SCN9A: variants seen among roughly 807,000 people sequenced by gnomAD.
The protein encoded by SCN9A is sodium voltage-gated channel alpha subunit 9, also known as sodium channel protein type 9 subunit alpha.
A neutral mutation model predicts 187.0 loss-of-function variants in SCN9A; 131 were observed. The ratio of observed to expected loss-of-function variants is 0.70; its 90% confidence interval spans 0.61 to 0.81. The LOEUF (loss-of-function observed/expected upper bound fraction) is 0.81, where lower values mean the gene tolerates loss of function less well. Ranked by LOEUF, SCN9A falls within the 30% of genes least tolerant of loss-of-function variation. SCN9A has a pLI of 0.00. For missense variants in SCN9A, 2,252 were observed against 2,396.6 expected (o/e 0.94, Z 1.26); for synonymous variants, 809 against 808.6 (o/e 1.00, Z -0.01).
At chr2:166,207,370 T>A (rs1254559371) in intron 24 of SCN9A, among the ~76,000 whole-genome samples, 1 of 152,076 alleles carries the variant, frequency 6.6e-6, no homozygotes, top group African/African-American at 2.4e-5. Context: ...TATATTGAAT[T>A]TTCTTATTCA....
At chr2:166,317,795 T>G (rs1424319883) in intron 1 of SCN9A, among the ~76,000 whole-genome samples, 4 of 152,134 alleles carry the variant, frequency 2.6e-5, no homozygotes, top group African/African-American at 7.2e-5. Flanking sequence ...AAATTTCCAT[T>G]GCAGTAAAAA....
chr2:166,219,101 G>A, intron 24 of SCN9A, among the ~76,000 whole-genome samples: 1 of 152,098 alleles, frequency 6.6e-6, no homozygotes, highest in African/African-American at 2.4e-5. Flanking sequence ...AAAAAAGAAT[G>A]CCTACACACT....
rs1574883280 is a variant in SCN9A, at chr2:166,293,331, T to C, written c.1007A>G (p.Asn336Ser). The change falls in exon 9 of 27, where the codon AAC becomes AGC. Residue 336 changes from asparagine to serine, a missense_variant. This residue lies in a region of SCN9A where 1,013 missense variants were observed against 997.4 expected (regional missense o/e 1.02). Transcript: ENST00000642356. ...EGYTCVKIGR[N>S]PDYGYTSFDT... ...AAAGCTCGTGTAGCCATAATCAGGG[T>C]TTCTGCCAATTTTCACACAGGTGTA... The C allele has an allele frequency of 1.2e-6, 2 of 1,608,896 alleles. No individual in the cohort carries two copies. Among genetic ancestry groups the C allele is most frequent in the Non-Finnish European group, 1.7e-6 (2 of 1,177,614 alleles).
intron 16 of SCN9A, among the ~76,000 whole-genome samples, chr2:166,273,961 G>C (rs1395181157): frequency 6.6e-6 from 1 of 152,170 alleles, no homozygotes; most frequent in Non-Finnish European, 1.5e-5. Context: ...GAGGTCGGAG[G>C]TCTGGGAATC....
chr2:166,368,324 T>C (rs377328308), intron 1 of SCN9A, among the ~76,000 whole-genome samples: 18 of 152,282 alleles, frequency 1.2e-4, no homozygotes, highest in South Asian at 8.3e-4. Flanking sequence ...TTTCCGTATG[T>C]ATTTTTCCTT....
At chr2:166,248,927 C>T (rs1695913577) in intron 18 of SCN9A, among the ~76,000 whole-genome samples, 1 of 152,032 alleles carries the variant, frequency 6.6e-6, no homozygotes, top group African/African-American at 2.4e-5. Flanking sequence ...CCTCGGCCTC[C>T]CAAAGTACTG....
At chr2:166,318,186 A>AT (rs1399172616) in intron 1 of SCN9A, among the ~76,000 whole-genome samples, 1 of 152,100 alleles carries the variant, frequency 6.6e-6, no homozygotes, top group African/African-American at 2.4e-5. Flanking sequence ...TTTTAGCTAG[A>AT]ACCAGGGTGG....
intron 1 of SCN9A, among the ~76,000 whole-genome samples, chr2:166,343,772 G>T (rs1055615411): frequency 1.3e-5 from 2 of 151,584 alleles, no homozygotes; most frequent in Non-Finnish European, 2.9e-5. Flanking sequence ...ACTCAGCCTG[G>T]GAGACAGAGT....
intron 12 of SCN9A, 61 bp from the exon 13 acceptor site, chr2:166,281,869 T>C: frequency 2.0e-6 from 3 of 1,500,008 alleles, no homozygotes; most frequent in Non-Finnish European, 1.8e-6. Context: ...AGGTATAAGA[T>C]AAAATCTTGC....
chr2:166,239,531 C>G (rs1695473233), intron 19 of SCN9A, among the ~76,000 whole-genome samples: 1 of 152,044 alleles, frequency 6.6e-6, no homozygotes, highest in African/African-American at 2.4e-5. Flanking sequence ...GGCAGAAAGA[C>G]TGAATGGACC....
At chr2:166,284,995 A>C (rs1413396968) in intron 11 of SCN9A, among the ~76,000 whole-genome samples, 171 bp from the exon 12 acceptor site, 14 of 152,346 alleles carry the variant, frequency 9.2e-5, no homozygotes, top group Non-Finnish European at 8.8e-5. Context: ...CTTCCACTTA[A>C]GGGATGAAAC....
intron 7 of SCN9A, 26 bp from the exon 8 acceptor site, chr2:166,294,688 A>G (rs1001227079): frequency 1.4e-6 from 2 of 1,477,762 alleles, no homozygotes; most frequent in Non-Finnish European, 1.9e-6. Flanking sequence ...TTGAACAGTT[A>G]TAACATCACA....
At chr2:166,360,644 A>G (rs995223326) in intron 1 of SCN9A, among the ~76,000 whole-genome samples, 3 of 152,234 alleles carry the variant, frequency 2.0e-5, no homozygotes, top group African/African-American at 7.2e-5. Flanking sequence ...TTTATTCCAT[A>G]TAATTAGCTC....
rs1343541992 is a variant in SCN9A, at chr2:166,306,898, A to T, written c.377+58T>A. ...AAGGTATAACATCTATATTTGAATA[A>T]AATAGCAAAAATTACACCATAAAGT... On this transcript the variant is annotated intron_variant, in intron 3 of 26. Coordinates refer to ENST00000642356, the MANE Select transcript of SCN9A (RefSeq NM_001365536.1). 9.1e-6 allele frequency: 9 copies of T among 986,784 alleles called. No homozygotes were observed. The South Asian group carries it at 1.4e-4, about 15-fold the overall frequency. The allele number at this position is 986,784 out of a possible 1,614,324, so 61.1% of individuals were successfully genotyped here.
At chr2:166,355,176 T>C (rs1396067295) in intron 1 of SCN9A, among the ~76,000 whole-genome samples, 1 of 151,942 alleles carries the variant, frequency 6.6e-6, no homozygotes, top group Non-Finnish European at 1.5e-5. Context: ...GCTCACTCCA[T>C]CACTGCAACC....
intron 25 of SCN9A, 67 bp downstream of exon 25, chr2:166,204,293 T>A: frequency 1.3e-6 from 2 of 1,558,264 alleles, no homozygotes; most frequent in Non-Finnish European, 1.8e-6. Flanking sequence ...AAATTAAAGA[T>A]GTGCATTAAA....
chr2:166,358,034 T>TTTTATTTATTTATTTA (rs371958712), intron 1 of SCN9A, among the ~76,000 whole-genome samples: 10 of 140,926 alleles, frequency 7.1e-5, no homozygotes, highest in Non-Finnish European at 1.5e-4. Flanking sequence ...GGAATAAAAC[T>TTTTATTTATTTATTTA]TTTATTTATT....
intron 17 of SCN9A, among the ~76,000 whole-genome samples, chr2:166,254,463 T>C (rs561232056): frequency 6.6e-6 from 1 of 151,594 alleles, no homozygotes; most frequent in Admixed American, 6.6e-5. Context: ...TACCTTTATA[T>C]AGAAAGGCTG....
intron 1 of SCN9A, among the ~76,000 whole-genome samples, chr2:166,332,859 G>T (rs1339900061): frequency 2.0e-5 from 3 of 151,626 alleles, no homozygotes; most frequent in African/African-American, 7.3e-5. Flanking sequence ...AGGACCATAA[G>T]CCTTCCATAA....
Sources: gnomAD v4.1 joint callset for allele counts (sites outside exome capture counted in the v4.1 genomes callset) on GRCh38, gnomAD v4.1.1 for gene constraint, gnomAD v4.1.1 regional missense constraint, MANE v1.5 for transcripts, NCBI Gene and HGNC (gene_info 2026-07-23, HGNC 2026-07-21) for gene names.